Variants in VPS35L observed in about 807,000 individuals in gnomAD.
VPS35L encodes the protein VPS35 endosomal protein-sorting factor-like.
In VPS35L, 83 loss-of-function variants were observed where a neutral mutation model predicts 133.0. The observed-to-expected ratio is 0.62, with a 90% CI of 0.52 to 0.75. The LOEUF is 0.75. Ranked by LOEUF, VPS35L falls within the 30% of genes least tolerant of loss-of-function variation. The pLI, the probability that VPS35L is intolerant of heterozygous loss-of-function variation, is 0.00. For synonymous variants in VPS35L, 423 were observed against 449.9 expected, an observed-to-expected ratio of 0.94 and a Z score of 0.76; for missense variants, 1,083 against 1,206.8, an observed-to-expected ratio of 0.90 and a Z score of 1.52.
intron 14 of VPS35L, 53 bp downstream of exon 14, chr16:19,616,861 C>A (rs1337668949): frequency 6.2e-7 from 1 of 1,612,478 alleles, no homozygotes; most frequent in Non-Finnish European, 8.5e-7. Flanking sequence ...GGTGACAGCC[C>A]CTGCCCACTG....
chr16:19,592,869 A>G (rs911403862), intron 8 of VPS35L, among the ~76,000 whole-genome samples: 1 of 151,970 alleles, frequency 6.6e-6, no homozygotes, highest in East Asian at 1.9e-4. Flanking sequence ...TATTTTTAGT[A>G]GAGATGGGAT....
In VPS35L at chr16:19,647,889, A is replaced by G. The variant is rs775218755; in HGVS notation, c.2028+7A>G. 1 of 1,587,370 alleles carries G rather than the reference A, an allele frequency of 6.3e-7. No homozygotes were observed. Among genetic ancestry groups the G allele is most frequent in the Non-Finnish European group, 8.7e-7 (1 of 1,156,028 alleles). On this transcript the variant is annotated splice_region_variant and intron_variant, in intron 24 of 30. Transcript: ENST00000417362. ...TCTTGTGCAGTTGATTCATGTAAGT[A>G]TTTTCATTCATTAGTTTCTTCTCTC...
chr16:19,569,629 GTT>G, intron 3 of VPS35L, 38 bp downstream of exon 3: 1 of 1,500,998 alleles, frequency 6.7e-7, no homozygotes, highest in South Asian at 1.4e-5. Flanking sequence ...GTGGGGGTTG[GTT>G]TTGTGGGTGC....
Position 19,690,917 on chromosome 16 carries a change from G to A in VPS35L, c.2528-436G>A, listed in dbSNP as rs576599202. 4.1e-4 allele frequency among the ~76,000 whole-genome samples: 63 copies of A among 151,892 alleles called. 1 individual carries two copies. The South Asian group carries it at 8.3e-3, about 20-fold the overall frequency. On this transcript the variant is annotated intron_variant, in intron 28 of 30. Coordinates refer to ENST00000417362, the MANE Select transcript of VPS35L (RefSeq NM_020314.7). ...GCGGAGGTTGCAGTCAGCCAAGATC[G>A]TGCCACTGCACTCCAGCCTGGGTGA...
At chr16:19,578,441 C>A in intron 5 of VPS35L, 1 of 389,748 alleles carries the variant, frequency 2.6e-6, no homozygotes, top group South Asian at 1.9e-5. Flanking sequence ...TAGACGGCCG[C>A]AGAGGGCAGC....
chr16:19,591,281 G>T (rs226864), intron 7 of VPS35L, among the ~76,000 whole-genome samples: 6,567 of 152,238 alleles, frequency 0.043, 262 homozygotes, highest in African/African-American at 0.1. Flanking sequence ...ATTGAACAAA[G>T]ATGGGGCCAC....
At chr16:19,616,229 A>T in intron 13 of VPS35L, 38 bp downstream of exon 13, 1 of 1,540,198 alleles carries the variant, frequency 6.5e-7, no homozygotes, top group Non-Finnish European at 9.0e-7. Flanking sequence ...TCGATATAAC[A>T]GTTCTATGAT....
chr16:19,571,881 G>A (rs1971397003), intron 3 of VPS35L, among the ~76,000 whole-genome samples: 4 of 150,580 alleles, frequency 2.7e-5, no homozygotes, highest in South Asian at 2.1e-4. Flanking sequence ...CATATGTCTT[G>A]GAGAACTATC....
Position 19,628,706 on chromosome 16 carries a change from A to G in VPS35L, c.1453A>G (p.Ile485Val), listed in dbSNP as rs760395771. 1 of 1,598,694 alleles carries G rather than the reference A, an allele frequency of 6.3e-7. No individual in the cohort carries two copies. Among genetic ancestry groups the G allele is most frequent in the South Asian group, 1.1e-5 (1 of 89,018 alleles). The change falls in exon 17 of 31, where the codon ATT (isoleucine) becomes GTT (valine). Residue 485 changes from isoleucine (I) to valine (V), a missense_variant. By Grantham distance (29) the Ile-to-Val change is conservative. Transcript: ENST00000417362. The stretch of plus-strand genomic sequence containing the variant: ...TCCTCCTGAGAGTGACCGACTTCAG[A>G]TTCTCAACGAAGCTTGGAAAGTCAT... ...ADPPESDRLQ[I>V]LNEAWKVITK...
rs896767614 is a variant in VPS35L, at chr16:19,628,499, G to T, written c.1384-138G>T. 24 of 519,218 alleles carry T rather than the reference G, an allele frequency of 4.6e-5. No individual in the cohort carries two copies. The Admixed American group carries it at 7.0e-4, about 15-fold the overall frequency. The allele number at this position is 519,218 out of a possible 1,614,324, so 32.2% of individuals were successfully genotyped here. On this transcript the variant is annotated intron_variant, in intron 16 of 30. Coordinates refer to ENST00000417362, the MANE Select transcript of VPS35L (RefSeq NM_020314.7). ...GTAGCTGGGGCAGATATGTGTGATA[G>T]AACTTTAGAAGGAGGTTGTTGGAAG...
At position 19,612,231 on chromosome 16, in the gene VPS35L, C is replaced by T. The variant is rs555322210; in HGVS notation, c.1023+1816C>T. 3.3e-5 allele frequency among the ~76,000 whole-genome samples: 5 copies of T among 151,540 alleles called. No individual in the cohort carries two copies. The East Asian group carries it at 9.7e-4, about 29-fold the overall frequency. On this transcript the variant is annotated intron_variant, in intron 12 of 30. Coordinates refer to ENST00000417362, the MANE Select transcript of VPS35L (RefSeq NM_020314.7). Reference sequence around the variant, plus strand: ...GGTTTGCAGGCATGAGCCACTGCACCCGGCCTTTTTTTGTTTTGTTTTGTT... The same window carrying T: ...GGTTTGCAGGCATGAGCCACTGCACTCGGCCTTTTTTTGTTTTGTTTTGTT...
At chr16:19,682,162 T>C in intron 27 of VPS35L, 63 bp from the exon 28 acceptor site, 1 of 1,566,904 alleles carries the variant, frequency 6.4e-7, no homozygotes, top group Non-Finnish European at 8.7e-7. Flanking sequence ...TCTGTGTTGA[T>C]TTTCTTTTTC....
At chr16:19,610,558 C>T in intron 12 of VPS35L, 143 bp downstream of exon 12, 1 of 530,002 alleles carries the variant, frequency 1.9e-6, no homozygotes, top group Non-Finnish European at 3.3e-6. Context: ...CATGGCTCTG[C>T]CACAGAAAGT....
intron 8 of VPS35L, among the ~76,000 whole-genome samples, chr16:19,593,418 T>C (rs997642855): frequency 6.6e-6 from 1 of 152,236 alleles, no homozygotes; most frequent in Non-Finnish European, 1.5e-5. Flanking sequence ...GAAAGCAGAC[T>C]ATCAATCTGA....
intron 23 of VPS35L, among the ~76,000 whole-genome samples, chr16:19,647,393 T>C (rs920495918): frequency 6.6e-6 from 1 of 152,186 alleles, no homozygotes; most frequent in Non-Finnish European, 1.5e-5. Flanking sequence ...GAAGAGAGGA[T>C]GTTTAATGGT....
At chr16:19,622,443 C>T (rs1357032132) in intron 14 of VPS35L, among the ~76,000 whole-genome samples, 1 of 151,744 alleles carries the variant, frequency 6.6e-6, no homozygotes, top group African/African-American at 2.4e-5. Context: ...TGCCCGGCCC[C>T]CACGTATATC....
In VPS35L at chr16:19,642,247, A is replaced by G. The variant is rs548407098; in HGVS notation, c.1785-149A>G. ...AAGAATTCTGAGACAACCAGAGAAC[A>G]TGGCTCGTTACTGGTAAACTGGGCT... On this transcript the variant is annotated intron_variant, in intron 21 of 30. Coordinates refer to ENST00000417362, the MANE Select transcript of VPS35L (RefSeq NM_020314.7). The G allele has an allele frequency of 3.5e-4, 217 of 613,210 alleles. 2 individuals are homozygous for G. The South Asian group carries it at 4.4e-3, about 12-fold the overall frequency. The allele number at this position is 613,210 out of a possible 1,614,324, so 38.0% of individuals were successfully genotyped here. A position where few individuals can be genotyped will look rare whatever the true frequency, so the allele number is the denominator to read the frequency against.
chr16:19,686,369 C>T (rs1331171708), intron 28 of VPS35L, among the ~76,000 whole-genome samples: 1 of 152,100 alleles, frequency 6.6e-6, no homozygotes, highest in African/African-American at 2.4e-5. Context: ...GCAATCCCTC[C>T]GGTGCTTTTA....
rs1289944704 is a variant in VPS35L at position 19,649,164 on chromosome 16, AT to A, written c.2029-1212del. 8.6e-5 allele frequency among the ~76,000 whole-genome samples: 13 copies of A among 151,718 alleles called. No individual in the cohort carries two copies. In the East Asian group the frequency reaches 2.4e-3, roughly 27 times the overall value. ...CCACCATGCCCGGCTAATTCTTTGTATTTTTTAGTAGAGATGAGGTTTCACC... is the reference window on the plus strand; with the variant it reads ...CCACCATGCCCGGCTAATTCTTTGTATTTTTAGTAGAGATGAGGTTTCACC... On this transcript the variant is annotated intron_variant, in intron 24 of 30. Coordinates refer to ENST00000417362, the MANE Select transcript of VPS35L (RefSeq NM_020314.7).
Sources: gnomAD v4.1 joint callset for allele counts (sites outside exome capture counted in the v4.1 genomes callset) on GRCh38, gnomAD v4.1.1 for gene constraint, MANE v1.5 for transcripts, NCBI Gene and HGNC (gene_info 2026-07-23, HGNC 2026-07-21) for gene names.